The following TCF12 variants were observed in gnomAD, a reference collection of about 807,000 sequenced individuals.
TCF12 encodes the protein DNA-binding protein HTF4.
Under a neutral mutation model 86.0 loss-of-function variants are expected in TCF12, and 45 were observed. The observed-to-expected ratio is 0.52, with a 90% CI of 0.41 to 0.67. TCF12 has a LOEUF of 0.67. Among genes scored for constraint, TCF12 ranks in the 30% least tolerant of loss-of-function variants. The pLI is 0.00. For missense variants in TCF12, 881 were observed against 859.9 expected (o/e 1.02, Z -0.31); for synonymous variants, 330 against 299.6 (o/e 1.10, Z -1.05).
chr15:57,183,895 A>G (rs2056509229), intron 6 of TCF12, among the ~76,000 whole-genome samples: 1 of 152,202 alleles, frequency 6.6e-6, no homozygotes, highest in African/African-American at 2.4e-5. Flanking sequence ...TTTCCAGAAC[A>G]TGAGTATTTG....
At chr15:57,232,923 T>C in intron 11 of TCF12, 67 bp downstream of exon 11, 1 of 1,128,384 alleles carries the variant, frequency 8.9e-7, no homozygotes, top group Admixed American at 3.4e-5. Flanking sequence ...GATATCTTTA[T>C]ATATATATAT....
chr15:57,265,246 G>T (rs2060807281), intron 18 of TCF12, among the ~76,000 whole-genome samples: 1 of 151,970 alleles, frequency 6.6e-6, no homozygotes, highest in Non-Finnish European at 1.5e-5. Context: ...CCTAGCTAGA[G>T]CCTCTTTGTT....
rs115050667 is a variant in TCF12 at position 56,964,218 on chromosome 15, A to G, written c.148+43120A>G. Among the ~76,000 whole-genome samples the G allele has an allele frequency of 7.8e-3, 1,184 of 152,330 alleles. 15 individuals are homozygous for G. The highest frequency in any genetic ancestry group is 0.027 in the African/African-American group (1,107 of 41,578). On this transcript the variant is annotated intron_variant, in intron 3 of 20. Coordinates refer to ENST00000333725, the MANE Select transcript of TCF12 (RefSeq NM_207037.2). Reference sequence around the variant, plus strand: ...TGTTTTAGCTGGCCTAAAATTGTCTAAAGTTTTGGTAGAATCAGTGTGGTG... The same window carrying G: ...TGTTTTAGCTGGCCTAAAATTGTCTGAAGTTTTGGTAGAATCAGTGTGGTG...
chr15:56,966,611 A>T (rs1293965082), intron 3 of TCF12, among the ~76,000 whole-genome samples: 1 of 152,174 alleles, frequency 6.6e-6, no homozygotes, highest in African/African-American at 2.4e-5. Context: ...CAGTCACTTG[A>T]TGTCCGACTA....
downstream of TCF12, chr15:57,291,235 T>C (rs528100644): frequency 6.6e-6 from 1 of 152,388 alleles, no homozygotes. Flanking sequence ...GCATACAATC[T>C]ACACATCCCC....
At chr15:57,159,631 G>A (rs1274496737) in intron 5 of TCF12, among the ~76,000 whole-genome samples, 4 of 152,190 alleles carry the variant, frequency 2.6e-5, no homozygotes, top group Non-Finnish European at 4.4e-5. Flanking sequence ...TTTGAACATA[G>A]TAATGTTGAT....
At chr15:57,157,553 C>CT (rs761155684) in intron 5 of TCF12, among the ~76,000 whole-genome samples, 11,527 of 137,130 alleles carry the variant, frequency 0.084, 734 homozygotes, top group Admixed American at 0.19. Flanking sequence ...TAGTTTACTT[C>CT]TTTTTTTTTT....
intron 3 of TCF12, among the ~76,000 whole-genome samples, chr15:56,976,170 T>A (rs949198573): frequency 6.6e-6 from 1 of 151,868 alleles, no homozygotes; most frequent in Admixed American, 6.6e-5. Context: ...TCATTCTGTC[T>A]TTTCTATAAG....
chr15:56,929,162 A>G (rs1169776572), intron 3 of TCF12, among the ~76,000 whole-genome samples: 1 of 152,096 alleles, frequency 6.6e-6, no homozygotes, highest in Admixed American at 6.6e-5. Flanking sequence ...TTTGGTTTGT[A>G]TCTTTGGGGA....
At chr15:57,142,689 G>A (rs1056352689) in intron 5 of TCF12, among the ~76,000 whole-genome samples, 1 of 152,144 alleles carries the variant, frequency 6.6e-6, no homozygotes, top group Non-Finnish European at 1.5e-5. Flanking sequence ...ACTAAAGTGG[G>A]AAAAGGTAAC....
intron 13 of TCF12, chr15:57,248,131 A>G: frequency 1.4e-6 from 1 of 702,150 alleles, no homozygotes; most frequent in Non-Finnish European, 2.6e-6. Flanking sequence ...AATTATTTTA[A>G]GGATCCTTTT....
chr15:57,190,992 C>T (rs1412061497), intron 6 of TCF12, among the ~76,000 whole-genome samples: 1 of 152,058 alleles, frequency 6.6e-6, no homozygotes, highest in African/African-American at 2.4e-5. Flanking sequence ...TGAACAAGTA[C>T]AACATTGGAG....
intron 5 of TCF12, among the ~76,000 whole-genome samples, chr15:57,126,000 A>G (rs2051619764): frequency 6.6e-6 from 1 of 152,118 alleles, no homozygotes; most frequent in Non-Finnish European, 1.5e-5. Context: ...GGAGGCCAAG[A>G]CAGGCAGATT....
At chr15:57,105,805 G>A (rs917758460) in intron 5 of TCF12, among the ~76,000 whole-genome samples, 10 of 152,154 alleles carry the variant, frequency 6.6e-5, no homozygotes, top group Non-Finnish European at 1.3e-4. Flanking sequence ...TGCAAAATGG[G>A]GACATCAGTG....
intron 3 of TCF12, among the ~76,000 whole-genome samples, chr15:57,038,195 G>T (rs1467285546): frequency 6.6e-6 from 1 of 152,106 alleles, no homozygotes; most frequent in African/African-American, 2.4e-5. Flanking sequence ...ACATTGGGAG[G>T]CTGAGGTAGG....
At chr15:57,119,933 C>T (rs1184786403) in intron 5 of TCF12, among the ~76,000 whole-genome samples, 1 of 152,160 alleles carries the variant, frequency 6.6e-6, no homozygotes, top group Non-Finnish European at 1.5e-5. Context: ...TTCAAATATC[C>T]CATCCTTATT....
intron 8 of TCF12, among the ~76,000 whole-genome samples, chr15:57,200,752 G>A (rs1377164467): frequency 6.6e-6 from 1 of 152,164 alleles, no homozygotes; most frequent in African/African-American, 2.4e-5. Flanking sequence ...TTATATTTAG[G>A]TATCATAAGT....
chr15:56,956,503 A>G (rs371953160), intron 3 of TCF12, among the ~76,000 whole-genome samples: 2 of 152,118 alleles, frequency 1.3e-5, no homozygotes, highest in South Asian at 2.1e-4. Context: ...CTTTCTGTAG[A>G]TTCATATTTC....
intron 5 of TCF12, among the ~76,000 whole-genome samples, chr15:57,124,875 G>A (rs554762938): frequency 3.7e-4 from 11 of 30,012 alleles, no homozygotes; most frequent in Admixed American, 3.6e-3. Context: ...TAGAGATGGC[G>A]TTTCACCGTG....
Sources: allele counts gnomAD v4.1 joint callset (sites outside exome capture counted in the v4.1 genomes callset), GRCh38; gene constraint gnomAD v4.1.1; transcripts MANE v1.5; gene names NCBI Gene and HGNC (gene_info 2026-07-23, HGNC 2026-07-21).